Variants in CCDC7 observed in about 807,000 individuals in gnomAD.
CCDC7 encodes the protein coiled-coil domain containing 7, also known as coiled-coil domain-containing protein 7.
A neutral mutation model predicts 196.9 loss-of-function variants in CCDC7; 183 were observed. That is an observed-to-expected ratio of 0.93 (90% CI 0.82 to 1.05). CCDC7 has a LOEUF of 1.05. Among genes scored for constraint, CCDC7 ranks in the 50% least tolerant of loss-of-function variants. The pLI, the probability that CCDC7 is intolerant of heterozygous loss-of-function variation, is 0.00. For missense variants in CCDC7, 1,540 were observed against 1,482.2 expected (o/e 1.04, Z -0.64); for synonymous variants, 525 against 484.6 (o/e 1.08, Z -1.10).
At chr10:32,634,275 A>G in exon 19 of CCDC7, 1 of 1,214,438 alleles carries the variant, frequency 8.2e-7, no homozygotes, top group South Asian at 4.2e-5. Context: ...GTTCCAGATG[A>G]AAATCTTATG....
chr10:32,810,665 G>A (rs1296559278), intron 30 of CCDC7, among the ~76,000 whole-genome samples: 3 of 151,994 alleles, frequency 2.0e-5, no homozygotes, highest in Non-Finnish European at 2.9e-5. Context: ...AAACCAAATG[G>A]CCCTAACAGA....
chr10:32,539,358 G>C (rs1223983119), intron 11 of CCDC7, among the ~76,000 whole-genome samples: 8 of 152,050 alleles, frequency 5.3e-5, no homozygotes, highest in African/African-American at 1.9e-4. Context: ...TTGTATTTCT[G>C]TGGTGTCAGT....
At chr10:32,462,950 T>C (rs1006299855) in intron 4 of CCDC7, 67 bp from the exon 6 acceptor site, 34 of 1,595,552 alleles carry the variant, frequency 2.1e-5, no homozygotes, top group Middle Eastern at 1.7e-4. Context: ...TATATAGATA[T>C]TTATTTCATC....
At chr10:32,785,931 G>C (rs2081791469) in intron 29 of CCDC7, among the ~76,000 whole-genome samples, 1 of 152,114 alleles carries the variant, frequency 6.6e-6, no homozygotes, top group African/African-American at 2.4e-5. Context: ...TCCTCAGCTT[G>C]ATATATAGTG....
chr10:32,466,899 A>G (rs536412410), intron 5 of CCDC7, among the ~76,000 whole-genome samples: 1 of 152,282 alleles, frequency 6.6e-6, no homozygotes, highest in South Asian at 2.1e-4. Flanking sequence ...ACAATGTATA[A>G]GCATTTTTTT....
intron 21 of CCDC7, among the ~76,000 whole-genome samples, chr10:32,683,201 C>A (rs554037680): frequency 6.6e-6 from 1 of 152,266 alleles, no homozygotes; most frequent in East Asian, 1.9e-4. Context: ...CAATTTCAGT[C>A]TACTGCATGT....
At chr10:32,610,029 AGTGTGT>A (rs113353807) in intron 18 of CCDC7, among the ~76,000 whole-genome samples, 21 of 146,326 alleles carry the variant, frequency 1.4e-4, no homozygotes, top group South Asian at 4.3e-4. Flanking sequence ...TGTATGTATG[AGTGTGT>A]GTGTGTGTGT....
chr10:32,544,606 G>A (rs1564605704), intron 13 of CCDC7, among the ~76,000 whole-genome samples: 1 of 152,126 alleles, frequency 6.6e-6, no homozygotes, highest in Non-Finnish European at 1.5e-5. Context: ...CATATCAGGA[G>A]TCAGAACAGC....
chr10:32,574,547 C>T (rs1026329203), intron 16 of CCDC7: 5 of 1,339,584 alleles, frequency 3.7e-6, no homozygotes, highest in African/African-American at 3.0e-5. Context: ...CAATAAAGTA[C>T]ATTTTTGCTC....
At chr10:32,444,448 CT>C (rs1433276580), upstream of CCDC7, among the ~76,000 whole-genome samples, 1 of 152,192 alleles carries the variant, frequency 6.6e-6, no homozygotes, top group Admixed American at 6.5e-5. Context: ...GAATGGTGAA[CT>C]TTTGGCTAGA....
chr10:32,608,684 G>A (rs1469979695), intron 18 of CCDC7, among the ~76,000 whole-genome samples: 1 of 152,130 alleles, frequency 6.6e-6, no homozygotes, highest in Non-Finnish European at 1.5e-5. Flanking sequence ...GGGACTACAG[G>A]CCTGCGCCAC....
intron 31 of CCDC7, among the ~76,000 whole-genome samples, chr10:32,815,339 CT>C (rs2088190576): frequency 6.6e-6 from 1 of 151,914 alleles, no homozygotes; most frequent in South Asian, 2.1e-4. Context: ...TAAAACATTT[CT>C]CAAAGAAGAA....
chr10:32,480,362 GC>G (rs1477966592), intron 8 of CCDC7, among the ~76,000 whole-genome samples: 1 of 151,692 alleles, frequency 6.6e-6, no homozygotes, highest in African/African-American at 2.4e-5. Context: ...TTGCTCTGTT[GC>G]CCAGGCTGGA....
chr10:32,528,156 A>G (rs2048958094), intron 11 of CCDC7, among the ~76,000 whole-genome samples: 1 of 152,082 alleles, frequency 6.6e-6, no homozygotes, highest in Non-Finnish European at 1.5e-5. Flanking sequence ...CACTTAATAT[A>G]ATGGCCTCCA....
chr10:32,729,801 T>G (rs2083652298), intron 28 of CCDC7, among the ~76,000 whole-genome samples: 1 of 152,274 alleles, frequency 6.6e-6, no homozygotes, highest in South Asian at 2.1e-4. Context: ...AAGGATTCAC[T>G]TCATCATTTT....
intron 41 of CCDC7, among the ~76,000 whole-genome samples, chr10:32,871,126 C>G (rs1050667447): frequency 1.4e-4 from 21 of 152,030 alleles, no homozygotes; most frequent in East Asian, 3.9e-4. Context: ...AAATGAGTTA[C>G]GGAGGATTCT....
intron 3 of CCDC7, among the ~76,000 whole-genome samples, chr10:32,458,317 T>G (rs1477057388): frequency 6.6e-6 from 1 of 151,710 alleles, no homozygotes; most frequent in Non-Finnish European, 1.5e-5. Context: ...GTGCTTTTGT[T>G]GAAAATTTGT....
chr10:32,820,660 T>G (rs368078784), intron 31 of CCDC7, among the ~76,000 whole-genome samples: 3 of 152,034 alleles, frequency 2.0e-5, no homozygotes, highest in Non-Finnish European at 2.9e-5. Context: ...GAAATAATGC[T>G]GCATATCTAC....
At chr10:32,443,542 T>C (rs2030461725), upstream of CCDC7, among the ~76,000 whole-genome samples, 4 of 152,362 alleles carry the variant, frequency 2.6e-5, no homozygotes, top group South Asian at 4.1e-4. Flanking sequence ...CTCAATGATA[T>C]CAGCTTTCAT....
Sources: allele counts gnomAD v4.1 joint callset (sites outside exome capture counted in the v4.1 genomes callset), GRCh38; gene constraint gnomAD v4.1.1; transcripts MANE v1.5; gene names NCBI Gene and HGNC (gene_info 2026-07-23, HGNC 2026-07-21).